The following ACYP2 variants were observed in gnomAD, a reference collection of about 807,000 sequenced individuals.
ACYP2 encodes acylphosphatase 2.
Under a neutral mutation model 11.2 loss-of-function variants are expected in ACYP2, and 12 were observed. The ratio of observed to expected loss-of-function variants is 1.08; its 90% CI spans 0.69 to 1.74. ACYP2 has a LOEUF of 1.74. Among genes scored for constraint, ACYP2 ranks in the 40% most tolerant of loss-of-function variants. The pLI is 0.00. For synonymous variants in ACYP2, 43 were observed against 32.2 expected (o/e 1.33, Z -1.13); for missense variants, 134 against 101.9 (o/e 1.31, Z -1.35).
chr2:54,245,024 A>G (rs1386689444), intron 6 of ACYP2, among the ~76,000 whole-genome samples: 1 of 152,044 alleles, frequency 6.6e-6, no homozygotes, highest in African/African-American at 2.4e-5. Flanking sequence ...GTATCTCACC[A>G]TCTTCCCCTT....
intron 6 of ACYP2, among the ~76,000 whole-genome samples, chr2:54,184,315 A>G (rs555695019): frequency 1.3e-5 from 2 of 152,296 alleles, no homozygotes; most frequent in South Asian, 4.1e-4. Context: ...GCCAGTTCTA[A>G]GCGCCACATT....
intron 4 of ACYP2, among the ~76,000 whole-genome samples, chr2:54,100,663 A>T (rs1216610929): frequency 6.6e-6 from 1 of 151,960 alleles, no homozygotes; most frequent in African/African-American, 2.4e-5. Flanking sequence ...CCACATTTTA[A>T]CTCGTTTCCT....
intron 6 of ACYP2, chr2:54,254,802 G>T: frequency 1.0e-6 from 1 of 987,008 alleles, no homozygotes; most frequent in Non-Finnish European, 1.5e-6. Flanking sequence ...TTTAAACAGA[G>T]GGTACAGGAA....
At chr2:54,093,823 C>A (rs1337908448) in intron 4 of ACYP2, among the ~76,000 whole-genome samples, 1 of 152,044 alleles carries the variant, frequency 6.6e-6, no homozygotes, top group Non-Finnish European at 1.5e-5. Flanking sequence ...GCCTGTAGTC[C>A]CAGCTACTCC....
intron 6 of ACYP2, among the ~76,000 whole-genome samples, chr2:54,292,712 G>A (rs1415309874): frequency 6.7e-6 from 1 of 149,836 alleles, no homozygotes. Flanking sequence ...ACACACACGT[G>A]TATGTATCTC....
chr2:54,149,652 A>G (rs1682054669), intron 6 of ACYP2, among the ~76,000 whole-genome samples: 1 of 152,258 alleles, frequency 6.6e-6, no homozygotes, highest in Admixed American at 6.5e-5. Flanking sequence ...GTTTTGTAAA[A>G]TAAAACACTT....
chr2:54,126,759 C>T (rs536137538), intron 4 of ACYP2, among the ~76,000 whole-genome samples: 1 of 151,846 alleles, frequency 6.6e-6, no homozygotes, highest in Non-Finnish European at 1.5e-5. Context: ...ACCAGCCTGC[C>T]CAACATGGTA....
intron 6 of ACYP2, among the ~76,000 whole-genome samples, chr2:54,159,521 A>G (rs532994509): frequency 2.2e-4 from 33 of 152,038 alleles, no homozygotes; most frequent in Non-Finnish European, 4.3e-4. Flanking sequence ...ATATTTTTGA[A>G]TAGTTAAAGT....
chr2:54,285,570 T>C (rs1321727720), intron 6 of ACYP2, among the ~76,000 whole-genome samples: 1 of 152,234 alleles, frequency 6.6e-6, no homozygotes, highest in Non-Finnish European at 1.5e-5. Flanking sequence ...ATTTCCACCC[T>C]GTGGCTAAGA....
chr2:54,156,634 G>A (rs528753759), intron 6 of ACYP2, among the ~76,000 whole-genome samples: 10 of 151,794 alleles, frequency 6.6e-5, no homozygotes, highest in Non-Finnish European at 1.3e-4. Context: ...TAGTGTAGAC[G>A]AGCATGAAAT....
intron 2 of ACYP2, among the ~76,000 whole-genome samples, chr2:54,050,590 T>G (rs1675799481): frequency 6.6e-6 from 1 of 151,590 alleles, no homozygotes; most frequent in Non-Finnish European, 1.5e-5. Context: ...AAAACAAAAT[T>G]TTAAACTCGC....
At chr2:54,197,845 T>A (rs1486785611) in intron 6 of ACYP2, among the ~76,000 whole-genome samples, 1 of 152,192 alleles carries the variant, frequency 6.6e-6, no homozygotes, top group Non-Finnish European at 1.5e-5. Context: ...TGTGCGTACT[T>A]CTTCCTACAC....
At chr2:54,073,973 C>T (rs183645899) in intron 4 of ACYP2, among the ~76,000 whole-genome samples, 3 of 152,284 alleles carry the variant, frequency 2.0e-5, no homozygotes, top group African/African-American at 7.2e-5. Flanking sequence ...AACAGTCTGG[C>T]AGTTCCTCAA....
At chr2:54,278,324 G>T (rs1464951624) in intron 6 of ACYP2, among the ~76,000 whole-genome samples, 1 of 152,184 alleles carries the variant, frequency 6.6e-6, no homozygotes, top group Non-Finnish European at 1.5e-5. Flanking sequence ...CTCTATGAAA[G>T]GTTTTTTAGT....
intron 2 of ACYP2, among the ~76,000 whole-genome samples, chr2:54,043,779 T>C (rs1010936928): frequency 2.0e-5 from 3 of 152,114 alleles, no homozygotes; most frequent in African/African-American, 7.2e-5. Context: ...TATAACTGCA[T>C]CTAACCTTAT....
At chr2:54,182,820 T>G in intron 6 of ACYP2, among the ~76,000 whole-genome samples, 1 of 152,176 alleles carries the variant, frequency 6.6e-6, no homozygotes, top group East Asian at 1.9e-4. Context: ...TATTTGCCTA[T>G]AGCGGCAGTG....
At chr2:54,218,014 C>A (rs1685627958) in intron 6 of ACYP2, among the ~76,000 whole-genome samples, 1 of 152,046 alleles carries the variant, frequency 6.6e-6, no homozygotes, top group African/African-American at 2.4e-5. Context: ...TTTTTGAGTT[C>A]TCTTTCTCCC....
intron 4 of ACYP2, among the ~76,000 whole-genome samples, chr2:54,071,726 T>A (rs76943731): frequency 6.6e-6 from 1 of 152,254 alleles, no homozygotes; most frequent in East Asian, 1.9e-4. Flanking sequence ...AAAAATGACG[T>A]TAGGCCGGGT....
chr2:54,161,744 T>C (rs1682720158), intron 6 of ACYP2, among the ~76,000 whole-genome samples: 1 of 152,218 alleles, frequency 6.6e-6, no homozygotes, highest in Non-Finnish European at 1.5e-5. Context: ...TAAAAAGTTA[T>C]CCTTTTTGTA....
Sources: gnomAD v4.1 joint callset for allele counts (sites outside exome capture counted in the v4.1 genomes callset) on GRCh38, gnomAD v4.1.1 for gene constraint, MANE v1.5 for transcripts, NCBI Gene and HGNC (gene_info 2026-07-23, HGNC 2026-07-21) for gene names.